The following ADGRG4 variants were observed in gnomAD, a reference collection of about 807,000 sequenced individuals.
The protein encoded by ADGRG4 is adhesion G protein-coupled receptor G4.
Under a neutral mutation model 126.2 loss-of-function variants are expected in ADGRG4, and 122 were observed. That is an observed-to-expected ratio of 0.97 (90% CI 0.83 to 1.12). The LOEUF (loss-of-function observed/expected upper bound fraction) is 1.12. Ranked by LOEUF, ADGRG4 falls within the 50% of genes most tolerant of loss-of-function variation. The pLI is 0.00. For missense variants in ADGRG4, 2,481 were observed against 2,251.8 expected (o/e 1.10, Z -2.06); for synonymous variants, 943 against 838.7 (o/e 1.12, Z -2.15).
chrX:136,346,876 C>A lies in ADGRG4; in HGVS notation c.3170C>A (p.Thr1057Asn). The A allele has an allele frequency of 8.3e-7, 1 of 1,210,609 alleles. No homozygotes were observed. The highest frequency in any genetic ancestry group is 1.1e-6 in the Non-Finnish European group (1 of 894,478). ...VLSDVSNLSS[T>N]TMTTALVPPL... ...TCAGATGTCTCAAATCTATCCTCAA[C>A]TACAATGACCACAGCATTGGTACCA... The change falls in exon 6 of 26, where the codon ACT (threonine) becomes AAT (asparagine). Residue 1057 changes from threonine (T) to asparagine (N), a missense_variant. Thr to Asn is a moderately conservative substitution (Grantham distance 65). Transcript: ENST00000394143.
intron 8 of ADGRG4, 73 bp downstream of exon 8, chrX:136,353,474 G>A (rs757375649): frequency 1.5e-4 from 103 of 679,313 alleles, no homozygotes; most frequent in Non-Finnish European, 2.3e-4. Context: ...ATCTGGAGGG[G>A]ATGTCCTATG....
intron 21 of ADGRG4, 40 bp downstream of exon 21, chrX:136,400,156 AGTCT>A: frequency 2.9e-6 from 3 of 1,030,574 alleles, no homozygotes; most frequent in Non-Finnish European, 4.0e-6. Context: ...TTATGTCTTA[AGTCT>A]GTCTTTCTAA....
rs1431311985 is a variant in ADGRG4, at chrX:136,405,849, G to A, written c.8812G>A (p.Asp2938Asn). ...QKTRRKMILH[D>N]LKGTMSLTFL... ...GACTCGGCGGAAGATGATCCTGCATGACCTCAAAGGCACAATGAGCCTGAC... is the reference window on the plus strand; with the variant it reads ...GACTCGGCGGAAGATGATCCTGCATAACCTCAAAGGCACAATGAGCCTGAC... The change falls in exon 23 of 26, where the codon GAC becomes AAC. Residue 2938 changes from aspartate to asparagine, a missense_variant. Transcript: ENST00000394143. 1 of 1,209,162 alleles carries A rather than the reference G, an allele frequency of 8.3e-7. No homozygotes were observed. The highest frequency in any genetic ancestry group is 2.2e-5 in the Admixed American group (1 of 45,778).
At chrX:136,375,774 T>C (rs995798638) in intron 15 of ADGRG4, among the ~76,000 whole-genome samples, 1 of 112,393 alleles carries the variant, frequency 8.9e-6, no homozygotes, top group African/African-American at 3.2e-5. Context: ...TCCTTGTAGA[T>C]TCTGGATGCT....
In ADGRG4 at chrX:136,349,577, A is replaced by G. The variant is rs1173802748; in HGVS notation, c.5871A>G (p.Leu1957=). 2.5e-6 allele frequency: 3 copies of G among 1,210,093 alleles called. No individual in the cohort carries two copies. Among genetic ancestry groups the G allele is most frequent in the Non-Finnish European group, 3.4e-6 (3 of 894,562 alleles). ...ATGGGCTTTCTGAGAACCCTTCATT[A>G]TCAACATCTTTAAGAGCTATCACTT... ...PNHGLSENPS[L]STSLRAITST... Residue 1957 remains leucine (L), a synonymous_variant, in exon 6 of 26, where the codon TTA becomes TTG. Transcript: ENST00000394143.
intron 5 of ADGRG4, among the ~76,000 whole-genome samples, chrX:136,330,948 CT>C (rs746181336): frequency 9.0e-6 from 1 of 110,628 alleles, no homozygotes; most frequent in Non-Finnish European, 1.9e-5. Context: ...TTCTTTCTAA[CT>C]TTTTTTTGTT....
chrX:136,399,456 C>T (rs1433725167), intron 20 of ADGRG4, among the ~76,000 whole-genome samples: 3 of 110,794 alleles, frequency 2.7e-5, no homozygotes, highest in African/African-American at 9.8e-5. Flanking sequence ...GGCCATATAT[C>T]GGGATCTTTA....
chrX:136,305,556 A>G (rs2074728189), intron 3 of ADGRG4, among the ~76,000 whole-genome samples: 1 of 112,400 alleles, frequency 8.9e-6, no homozygotes, highest in Admixed American at 9.4e-5. Context: ...CTTGAGACGA[A>G]CATAAAGCCA....
At chrX:136,372,580 T>C (rs2075201780) in intron 14 of ADGRG4, among the ~76,000 whole-genome samples, 1 of 111,966 alleles carries the variant, frequency 8.9e-6, no homozygotes, top group Non-Finnish European at 1.9e-5. Context: ...CCCTGCAGGG[T>C]CTGGCTTACA....
intron 18 of ADGRG4, among the ~76,000 whole-genome samples, chrX:136,394,578 C>T (rs1422494588): frequency 1.8e-5 from 2 of 111,939 alleles, no homozygotes; most frequent in Non-Finnish European, 1.9e-5. Flanking sequence ...CTCTATAAAG[C>T]GATGAGCTTT....
chrX:136,363,133 A>G (rs2075138268), intron 12 of ADGRG4, among the ~76,000 whole-genome samples: 1 of 111,700 alleles, frequency 9.0e-6, no homozygotes, highest in Non-Finnish European at 1.9e-5. Context: ...TCCCCTTAAA[A>G]GAGGAGTAAG....
rs368260276 is a variant in ADGRG4 at position 136,373,069 on chromosome X, G to A, written c.7776+5G>A. 2.7e-5 allele frequency: 32 copies of A among 1,185,466 alleles called. No individual in the cohort carries two copies. Among genetic ancestry groups the A allele is most frequent in the African/African-American group, 3.5e-5 (2 of 56,508 alleles). The stretch of plus-strand genomic sequence containing the variant: ...GAAGAAGGCACAGACCCTGAGGTGA[G>A]TGCAGCTCAGGGAACTGAGAGCCAA... On this transcript the variant is annotated splice_donor_5th_base_variant and intron_variant, in intron 15 of 25. Coordinates refer to ENST00000394143, the MANE Select transcript of ADGRG4 (RefSeq NM_153834.4).
At chrX:136,355,980 T>C (rs1052473576) in intron 8 of ADGRG4, 146 bp from the exon 9 acceptor site, 6 of 348,156 alleles carry the variant, frequency 1.7e-5, no homozygotes, top group Admixed American at 1.5e-4. Context: ...ATTGGAAGCA[T>C]TCCTCTGGAG....
At chrX:136,330,640 G>A (rs773352001) in intron 5 of ADGRG4, among the ~76,000 whole-genome samples, 2 of 111,180 alleles carry the variant, frequency 1.8e-5, no homozygotes, top group Non-Finnish European at 3.8e-5. Flanking sequence ...TGGGAAAAAT[G>A]CCTTGGCTTG....
chrX:136,387,950 C>T, intron 16 of ADGRG4, 76 bp downstream of exon 16: 3 of 954,195 alleles, frequency 3.1e-6, no homozygotes, highest in Non-Finnish European at 4.4e-6. Flanking sequence ...TTGCTATTTT[C>T]ATGATGTTCT....
intron 24 of ADGRG4, 65 bp downstream of exon 24, chrX:136,412,431 T>C (rs1024825959): frequency 2.8e-6 from 2 of 706,309 alleles, no homozygotes; most frequent in Admixed American, 2.4e-5. Flanking sequence ...CAGATTAATT[T>C]GTCTCCTAAC....
chrX:136,388,044 T>C (rs754143878), intron 16 of ADGRG4, among the ~76,000 whole-genome samples, 170 bp downstream of exon 16: 1 of 112,367 alleles, frequency 8.9e-6, no homozygotes, highest in African/African-American at 3.2e-5. Flanking sequence ...TCTACTTTAA[T>C]GATGTTCTAC....
intron 15 of ADGRG4, among the ~76,000 whole-genome samples, chrX:136,378,877 T>G (rs1407621833): frequency 1.8e-5 from 2 of 112,373 alleles, no homozygotes; most frequent in African/African-American, 6.5e-5. Context: ...TATGTATTGC[T>G]ATTTTCTAAG....
rs774049812 is a variant in ADGRG4 at position 136,344,923 on chromosome X, C to A, written c.1217C>A (p.Thr406Asn). The change falls in exon 6 of 26, where the codon ACT becomes AAT. Residue 406 changes from threonine (T) to asparagine (N), a missense_variant. Transcript: ENST00000394143. The stretch of plus-strand genomic sequence containing the variant: ...ACGAAGACAACATCTTTATTTTCAA[C>A]TATTGAGTCAACATCTATGTCTACA... Reference protein sequence around the residue: ...AVTKTTSLFSTIESTSMSTTP... With the variant: ...AVTKTTSLFSNIESTSMSTTP... The A allele has an allele frequency of 1.3e-5, 16 of 1,208,332 alleles. No homozygotes were observed. Among genetic ancestry groups the A allele is most frequent in the Admixed American group, 2.2e-5 (1 of 45,779 alleles).
Sources: gnomAD v4.1 joint callset for allele counts (sites outside exome capture counted in the v4.1 genomes callset) on GRCh38, gnomAD v4.1.1 for gene constraint, MANE v1.5 for transcripts, NCBI Gene and HGNC (gene_info 2026-07-23, HGNC 2026-07-21) for gene names.